HIVEP3: variants seen among roughly 807,000 people sequenced by gnomAD.
HIVEP3 encodes the protein transcription factor HIVEP3.
In HIVEP3, 49 loss-of-function variants were observed where a neutral mutation model predicts 152.8. The observed-to-expected ratio is 0.32, with a 90% CI of 0.26 to 0.41. HIVEP3 has a LOEUF of 0.41. Among genes scored for constraint, HIVEP3 ranks in the 10% least tolerant of loss-of-function variants. HIVEP3 has a pLI of 1.00. For synonymous variants in HIVEP3, 1,269 were observed against 1,289.0 expected, an observed-to-expected ratio of 0.98 and a Z score of 0.33; for missense variants, 2,790 against 3,103.3, an observed-to-expected ratio of 0.90 and a Z score of 2.40.
chr1:41,580,616 T>G lies in HIVEP3; in HGVS notation c.4182A>C (p.Pro1394=). ...SEEQSRAFPT[P]YLRVPVTLPE... ...GTAATGTCACAGGCACTCTCAGGTA[T>G]GGAGTTGGGAAAGCTCTGCTTTGCT... The change falls in exon 4 of 9, where the codon CCA becomes CCC. Residue 1394 remains proline (P), a synonymous_variant. Coordinates refer to ENST00000372583, the MANE Select transcript of HIVEP3 (RefSeq NM_024503.5). 6.2e-7 allele frequency: 1 copy of G among 1,614,152 alleles called. No homozygotes were observed. Among genetic ancestry groups the G allele is most frequent in the Non-Finnish European group, 8.5e-7 (1 of 1,180,040 alleles).
At chr1:41,787,533 TTC>T (rs1187101943) in intron 1 of HIVEP3, among the ~76,000 whole-genome samples, 2,106 of 130,282 alleles carry the variant, frequency 0.016, 10 homozygotes, top group Non-Finnish European at 0.017. Flanking sequence ...TTTTCTTTCT[TTC>T]TTTTTTTTTT....
chr1:41,817,612 C>T (rs1270096650), intron 1 of HIVEP3, among the ~76,000 whole-genome samples: 1 of 152,146 alleles, frequency 6.6e-6, no homozygotes, highest in East Asian at 1.9e-4. Flanking sequence ...TGGTTCAATG[C>T]TCCATTTAGA....
intron 5 of HIVEP3, among the ~76,000 whole-genome samples, chr1:41,567,526 G>A (rs1186900122): frequency 1.3e-5 from 2 of 152,222 alleles, no homozygotes; most frequent in Non-Finnish European, 2.9e-5. Context: ...CATTTCTGGG[G>A]AGAAGCCTGA....
In HIVEP3 at chr1:41,612,986, G is replaced by A. The variant is rs528710860; in HGVS notation, c.-522+15763C>T. Among the ~76,000 whole-genome samples the A allele has an allele frequency of 2.0e-5, 3 of 152,346 alleles. No homozygotes were observed. In the South Asian group the frequency reaches 6.2e-4, roughly 32 times the overall value. On this transcript the variant is annotated intron_variant, in intron 3 of 8. Coordinates refer to ENST00000372583, the MANE Select transcript of HIVEP3 (RefSeq NM_024503.5). ...TGTCCCAACCTGGCCCTGGCAGGGT[G>A]AATGCAGCACCTCCTTCCAGGAAGC...
At chr1:41,946,196 G>A (rs1346076066) in intron 1 of HIVEP3, among the ~76,000 whole-genome samples, 2 of 152,170 alleles carry the variant, frequency 1.3e-5, no homozygotes, top group Admixed American at 6.5e-5. Context: ...GCCGCCCCTC[G>A]TCCATGCCCC....
chr1:41,618,193 G>A (rs898077366), intron 3 of HIVEP3, among the ~76,000 whole-genome samples: 4 of 152,338 alleles, frequency 2.6e-5, no homozygotes, highest in South Asian at 4.1e-4. Flanking sequence ...GTTCCGCTGC[G>A]GGATGGTGCC....
At chr1:41,910,251 G>T (rs946384388) in intron 1 of HIVEP3, among the ~76,000 whole-genome samples, 4 of 151,746 alleles carry the variant, frequency 2.6e-5, no homozygotes, top group South Asian at 2.1e-4. Context: ...AGATCCCACA[G>T]AACATTAAAA....
At chr1:41,624,975 C>G (rs1337298316) in intron 3 of HIVEP3, among the ~76,000 whole-genome samples, 1 of 152,068 alleles carries the variant, frequency 6.6e-6, no homozygotes, top group African/African-American at 2.4e-5. Context: ...ACCAGCCTGG[C>G]TGACATGGTG....
chr1:41,753,706 T>TAAATAAA (rs371969654), intron 1 of HIVEP3, among the ~76,000 whole-genome samples: 1 of 149,468 alleles, frequency 6.7e-6, no homozygotes, highest in African/African-American at 2.5e-5. Context: ...AATAAATAAA[T>TAAATAAA]AAAAATAGAA....
intron 1 of HIVEP3, among the ~76,000 whole-genome samples, chr1:41,741,797 AGCCT>A (rs1647000553): frequency 6.6e-6 from 1 of 152,172 alleles, no homozygotes; most frequent in Non-Finnish European, 1.5e-5. Flanking sequence ...CTATTGGAGC[AGCCT>A]AAACATCCCG....
chr1:41,770,000 C>G (rs545884013), intron 1 of HIVEP3, among the ~76,000 whole-genome samples: 3 of 152,024 alleles, frequency 2.0e-5, no homozygotes, highest in African/African-American at 7.2e-5. Flanking sequence ...ACAGAGTCTC[C>G]CTCTGTTGCC....
At chr1:41,526,140 C>T (rs570256283) in intron 5 of HIVEP3, among the ~76,000 whole-genome samples, 1 of 152,116 alleles carries the variant, frequency 6.6e-6, no homozygotes, top group East Asian at 1.9e-4. Flanking sequence ...CATCAGCTTA[C>T]AGCTGAAAGG....
At chr1:41,903,000 A>T (rs1644651356) in intron 1 of HIVEP3, among the ~76,000 whole-genome samples, 1 of 152,274 alleles carries the variant, frequency 6.6e-6, no homozygotes, top group Admixed American at 6.5e-5. Context: ...AAGTCAAAGC[A>T]TAAAAAACTG....
chr1:41,560,404 C>T (rs1034008764), intron 5 of HIVEP3, among the ~76,000 whole-genome samples: 8 of 152,112 alleles, frequency 5.3e-5, no homozygotes, highest in Admixed American at 1.3e-4. Flanking sequence ...TGACTGGCAA[C>T]GGGGTTGGGG....
At chr1:41,535,632 C>G (rs999641473) in intron 5 of HIVEP3, 1 of 152,120 alleles carries the variant, frequency 6.6e-6, no homozygotes, top group Non-Finnish European at 1.5e-5. Context: ...AGGGGTATGG[C>G]GAGACCAGGG....
At chr1:41,751,324 A>ATTTTTTTTTTTTTT (rs35864189) in intron 1 of HIVEP3, among the ~76,000 whole-genome samples, 11 of 104,544 alleles carry the variant, frequency 1.1e-4, no homozygotes, top group South Asian at 3.4e-4. Context: ...ACTGACACAC[A>ATTTTTTTTTTTTTT]TTTTTTTTTT....
At chr1:41,868,436 C>G (rs958685560) in intron 1 of HIVEP3, among the ~76,000 whole-genome samples, 5 of 152,226 alleles carry the variant, frequency 3.3e-5, no homozygotes, top group African/African-American at 9.6e-5. Context: ...AAGTCTCTTG[C>G]TCTTAAGTCC....
chr1:41,537,681 G>A (rs772930979), intron 5 of HIVEP3, among the ~76,000 whole-genome samples: 4 of 152,264 alleles, frequency 2.6e-5, no homozygotes, highest in Non-Finnish European at 1.5e-5. Flanking sequence ...CTGGTGGAAA[G>A]TAAACTGGGG....
intron 2 of HIVEP3, among the ~76,000 whole-genome samples, chr1:41,697,137 C>T (rs1045946933): frequency 1.3e-5 from 2 of 152,116 alleles, no homozygotes; most frequent in Non-Finnish European, 2.9e-5. Context: ...TGGAGTTTCC[C>T]CAAGCCTTGC....
Sources: allele counts gnomAD v4.1 joint callset (sites outside exome capture counted in the v4.1 genomes callset), GRCh38; gene constraint gnomAD v4.1.1; transcripts MANE v1.5; gene names NCBI Gene and HGNC (gene_info 2026-07-23, HGNC 2026-07-21).